DIDO1: variants seen among roughly 807,000 people sequenced by gnomAD.
The protein encoded by DIDO1 is death-inducer obliterator 1.
Under a neutral mutation model 99.4 loss-of-function variants are expected in DIDO1, and 16 were observed. That is an observed-to-expected ratio of 0.16 (90% confidence interval 0.11 to 0.24). DIDO1 has a LOEUF of 0.24. DIDO1 is among the 10% of genes least tolerant of loss of function. The probability of loss-of-function intolerance (pLI) is 1.00; values close to 1 mark genes in which losing one functional copy is unlikely to be tolerated. For synonymous variants in DIDO1, 1,366 were observed against 1,239.1 expected (o/e 1.10, Z -2.15); for missense variants, 2,996 against 3,014.0 (o/e 0.99, Z 0.14).
In DIDO1 at chr20:62,911,682, C is replaced by G; in HGVS notation, c.-2-68G>C. 7.1e-7 allele frequency: 1 copy of G among 1,414,290 alleles called. No individual in the cohort carries two copies. Among genetic ancestry groups the G allele is most frequent in the Non-Finnish European group, 9.4e-7 (1 of 1,059,620 alleles). The allele number at this position is 1,414,290 out of a possible 1,614,324, so 87.6% of individuals were successfully genotyped here. On this transcript the variant is annotated intron_variant, in intron 2 of 15. Coordinates refer to ENST00000395343, the MANE Select transcript of DIDO1 (RefSeq NM_001193369.2). The surrounding 1 kb of genome is among the most constrained non-coding windows in gnomAD (Gnocchi z 7.0). ...AACAAAAGGTGACATTGCCGCCAAACACGCGCAGCAGGGGCCACCTCCCTA... is the reference window on the plus strand; with the variant it reads ...AACAAAAGGTGACATTGCCGCCAAAGACGCGCAGCAGGGGCCACCTCCCTA...
rs1600995043 is a variant in DIDO1 at position 62,909,947 on chromosome 20, T to C, written c.913A>G (p.Arg305Gly). 6.2e-7 allele frequency: 1 copy of C among 1,613,748 alleles called. No individual in the cohort carries two copies. Among genetic ancestry groups the C allele is most frequent in the Admixed American group, 1.7e-5 (1 of 60,014 alleles). ...DCVGISEARG[R>G]LLERNGEDYI... The stretch of plus-strand genomic sequence containing the variant: ...TCTTCCCCATTCCTTTCCAAAAGCC[T>C]CCCTCGAGCCTCAGAAATGCCCACA... The change falls in exon 4 of 16, where the codon AGG (arginine) becomes GGG (glycine). Residue 305 changes from arginine (R) to glycine (G), a missense_variant. Coordinates refer to ENST00000395343, the MANE Select transcript of DIDO1 (RefSeq NM_001193369.2).
At chr20:62,908,730 G>A (rs904848999) in intron 4 of DIDO1, among the ~76,000 whole-genome samples, 2 of 152,164 alleles carry the variant, frequency 1.3e-5, no homozygotes, top group African/African-American at 4.8e-5. Context: ...GTGGTGGTGT[G>A]TGCTTGTAGT....
chr20:62,881,246 G>T lies in DIDO1; in HGVS notation c.4710C>A (p.Thr1570=). ...PRQARRLATE[T]GEGEGEPLSR... ...AGAGAGGCTCCCCCTCCCCCTCACC[G>T]GTCTCAGTGGCCAGGCGCCTCGCCT... The change falls in exon 16 of 16, where the codon ACC becomes ACA. Residue 1570 remains threonine, a synonymous_variant. Coordinates refer to ENST00000395343, the MANE Select transcript of DIDO1 (RefSeq NM_001193369.2). The surrounding 1 kb of genome is among the most constrained non-coding windows in gnomAD (Gnocchi z 8.3). 1 of 1,602,378 alleles carries T rather than the reference G, an allele frequency of 6.2e-7. No homozygotes were observed.
At chr20:62,928,558 G>A (rs2065290482), upstream of DIDO1, 1 of 152,224 alleles carries the variant, frequency 6.6e-6, no homozygotes, top group Admixed American at 6.5e-5. Context: ...CCTCCCTGGT[G>A]AGAAAGGCAT....
chr20:62,893,051 G>GAAT, intron 12 of DIDO1, 89 bp from the exon 13 acceptor site: 1 of 1,376,806 alleles, frequency 7.3e-7, no homozygotes, highest in Non-Finnish European at 9.8e-7. Context: ...TTTTGAGACA[G>GAAT]GATCTCATTC....
At chr20:62,885,059 C>T (rs531396845) in intron 15 of DIDO1, among the ~76,000 whole-genome samples, 11 of 152,350 alleles carry the variant, frequency 7.2e-5, no homozygotes, top group African/African-American at 2.2e-4. Flanking sequence ...ATCCACTTTT[C>T]GGGTATGTTC....
chr20:62,890,640 C>T (rs2064377449), intron 15 of DIDO1: 1 of 1,217,282 alleles, frequency 8.2e-7, no homozygotes, highest in Non-Finnish European at 1.0e-6. Context: ...GGGAGTGTCA[C>T]CTCCCTTTCT....
In DIDO1 at chr20:62,879,328, C is replaced by A. The variant is rs1283602631; in HGVS notation, c.6628G>T (p.Asp2210Tyr). ...DKARDRERGR[D>Y]RKDRSKSKES... ...TTGCTCTTGCTCCGGTCCTTGCGGT[C>A]GCGGCCCCGCTCCCTGTCCCTGGCC... Residue 2210 changes from aspartate (D) to tyrosine (Y), a missense_variant, in exon 16 of 16, where the codon GAC (aspartate) becomes TAC (tyrosine). Physicochemically the swap from Asp to Tyr is radical, Grantham distance 160. Around this residue, in one of 5 missense-constraint regions of DIDO1, gnomAD observed 1,562 missense variants for 1,412.6 expected, o/e 1.11. Coordinates refer to ENST00000395343, the MANE Select transcript of DIDO1 (RefSeq NM_001193369.2). The surrounding 1 kb of genome is among the most constrained non-coding windows in gnomAD (Gnocchi z 6.3). The A allele has an allele frequency of 3.8e-6, 6 of 1,559,548 alleles. No homozygotes were observed. Among genetic ancestry groups the A allele is most frequent in the Non-Finnish European group, 5.2e-6 (6 of 1,154,370 alleles).
Position 62,909,744 on chromosome 20 carries a change from T to A in DIDO1, c.1116A>T (p.Lys372Asn). ...TCTTCTTGCCACTTGGATTTGCAGC[T>A]TTCTCAATTCTACCCTTTATCCCTT... ...EDQGIKGRIE[K>N]AANPSGKKKL... Residue 372 changes from lysine (K) to asparagine (N), a missense_variant, in exon 4 of 16, where the codon AAA becomes AAT. Physicochemically the swap from Lys to Asn is moderately conservative, Grantham distance 94. This residue lies in a region of DIDO1 where 898 missense variants were observed against 972.7 expected (regional missense o/e 0.92). Coordinates refer to ENST00000395343, the MANE Select transcript of DIDO1 (RefSeq NM_001193369.2). 6.2e-7 allele frequency: 1 copy of A among 1,614,138 alleles called. No homozygotes were observed. The highest frequency in any genetic ancestry group is 8.5e-7 in the Non-Finnish European group (1 of 1,179,950).
intron 15 of DIDO1, among the ~76,000 whole-genome samples, chr20:62,883,866 G>A (rs966515387): frequency 3.3e-5 from 5 of 152,144 alleles, no homozygotes; most frequent in South Asian, 2.1e-4. Flanking sequence ...TTAGCCAGGC[G>A]TGGTGGCGTG....
intron 8 of DIDO1, among the ~76,000 whole-genome samples, chr20:62,895,753 C>T (rs2064505364): frequency 6.6e-6 from 1 of 152,202 alleles, no homozygotes; most frequent in Non-Finnish European, 1.5e-5. Context: ...AAGGACTGAT[C>T]CCACTACCTG....
chr20:62,887,346 C>A (rs564458083), intron 15 of DIDO1: 30 of 985,310 alleles, frequency 3.0e-5, no homozygotes, highest in Non-Finnish European at 3.1e-5. Context: ...GAAATGCTTA[C>A]CTGACAATAT....
intron 1 of DIDO1, among the ~76,000 whole-genome samples, chr20:62,923,420 C>T (rs1483512662): frequency 2.0e-5 from 3 of 152,042 alleles, no homozygotes; most frequent in Non-Finnish European, 4.4e-5. Context: ...GTGATCCACC[C>T]ATCTTGGCCT....
At chr20:62,888,840 C>T (rs778771769) in intron 15 of DIDO1, 14 of 985,326 alleles carry the variant, frequency 1.4e-5, no homozygotes, top group South Asian at 4.7e-5. Flanking sequence ...TGAGATTTCA[C>T]GCACACGCAT....
At position 62,879,434 on chromosome 20, in the gene DIDO1, C is replaced by T. The variant is rs1304086327; in HGVS notation, c.6522G>A (p.Glu2174=). The T allele has an allele frequency of 8.4e-6, 13 of 1,547,828 alleles. No individual in the cohort carries two copies. The highest frequency in any genetic ancestry group is 1.9e-5 in the Admixed American group (1 of 51,798). Residue 2174 remains glutamate (E), a synonymous_variant, in exon 16 of 16, where the codon GAG becomes GAA. Transcript: ENST00000395343. This position sits in a 1 kb window ranked among gnomAD's most constrained non-coding sequence, Gnocchi z 6.3. ...GCTCGCGCTCTCGGTTCCTGCTCCG[C>T]TCCCGGCTGCGGTCCCACTCCTTGC... is the stretch of plus-strand genomic sequence containing the variant. ...DRGKEWDRSR[E]RSRNRERERD... is the part of the protein sequence containing the mutation.
In DIDO1 at chr20:62,892,171, A is replaced by G. The variant is rs180895014; in HGVS notation, c.3256-95T>C. On this transcript the variant is annotated intron_variant, in intron 13 of 15. Transcript: ENST00000395343. ...TGAAGGCACACACTACCCAAGATTC[A>G]AGAAGACTACAGCTATTCCAAGGAA... 128 of 1,005,574 alleles carry G rather than the reference A, an allele frequency of 1.3e-4. No individual in the cohort carries two copies. In the East Asian group the frequency reaches 3.3e-3, roughly 26 times the overall value. The allele number at this position is 1,005,574 out of a possible 1,614,324, so 62.3% of individuals were successfully genotyped here.
rs1317652214 is a variant in DIDO1 at position 62,911,288 on chromosome 20, T to G, written c.325A>C (p.Thr109Pro). The G allele has an allele frequency of 6.2e-7, 1 of 1,611,910 alleles. No homozygotes were observed. The highest frequency in any genetic ancestry group is 8.5e-7 in the Non-Finnish European group (1 of 1,180,038). The change falls in exon 3 of 16, where the codon ACA (threonine) becomes CCA (proline). Residue 109 changes from threonine (T) to proline (P), a missense_variant. Transcript: ENST00000395343. This position sits in a 1 kb window ranked among gnomAD's most constrained non-coding sequence, Gnocchi z 7.0. ...PTSCPATDAE[T>P]ASEGSVESAS... ...CTTTCCACGCTGCCCTCGGAGGCTGTCTCGGCGTCTGTGGCGGGGCAGGAC... is the reference window on the plus strand; with the variant it reads ...CTTTCCACGCTGCCCTCGGAGGCTGGCTCGGCGTCTGTGGCGGGGCAGGAC...
In DIDO1 at chr20:62,896,348, C is replaced by G; in HGVS notation, c.2099G>C (p.Gly700Ala). 1 of 1,614,124 alleles carries G rather than the reference C, an allele frequency of 6.2e-7. No homozygotes were observed. Among genetic ancestry groups the G allele is most frequent in the Non-Finnish European group, 8.5e-7 (1 of 1,180,028 alleles). ...CTTCTCAATATGGAGGGCAATTTTT[C>G]CTACTTCGTTTTCTGTCATGATTAA... is the stretch of plus-strand genomic sequence containing the variant. ...DDLIMTENEV[G>A]KIALHIEKEM... Residue 700 changes from glycine (G) to alanine (A), a missense_variant, in exon 8 of 16, where the codon GGA (glycine) becomes GCA (alanine). Transcript: ENST00000395343. The surrounding 1 kb of genome is among the most constrained non-coding windows in gnomAD (Gnocchi z 4.4).
intron 6 of DIDO1, among the ~76,000 whole-genome samples, chr20:62,897,257 A>C (rs958558306): frequency 6.6e-6 from 1 of 152,234 alleles, no homozygotes; most frequent in African/African-American, 2.4e-5. Flanking sequence ...TTCAACCAGC[A>C]AACTCTAGTT....
Sources: gnomAD v4.1 joint callset for allele counts (sites outside exome capture counted in the v4.1 genomes callset) on GRCh38, gnomAD v4.1.1 for gene constraint, gnomAD v4.1.1 regional missense constraint, Gnocchi (gnomAD v3.1) non-coding constraint, MANE v1.5 for transcripts, NCBI Gene and HGNC (gene_info 2026-07-23, HGNC 2026-07-21) for gene names.